The following SCP2 variants were observed in gnomAD, a reference collection of about 807,000 sequenced individuals.
SCP2 encodes SCP-2/3-oxoacyl-CoA thiolase.
In SCP2, 48 loss-of-function variants were observed where a neutral mutation model predicts 71.4. That is an observed-to-expected ratio of 0.67 (90% CI 0.53 to 0.86). The LOEUF (loss-of-function observed/expected upper bound fraction) is 0.86. SCP2 is among the 40% of genes least tolerant of loss of function. The pLI, the probability that SCP2 is intolerant of heterozygous loss-of-function variation, is 0.00. For synonymous variants in SCP2, 220 were observed against 218.1 expected (o/e 1.01, Z -0.08); for missense variants, 560 against 655.6 (o/e 0.85, Z 1.59).
intron 9 of SCP2, among the ~76,000 whole-genome samples, chr1:52,978,816 C>G (rs1424106862): frequency 6.6e-6 from 1 of 152,164 alleles, no homozygotes. Flanking sequence ...CCTGCCTCAG[C>G]CTTCCAAAAT....
chr1:52,968,175 C>T (rs919237351), intron 6 of SCP2, among the ~76,000 whole-genome samples: 3 of 152,152 alleles, frequency 2.0e-5, no homozygotes, highest in African/African-American at 4.8e-5. Flanking sequence ...CTCCTGACCT[C>T]AGGTGATCGG....
chr1:52,932,321 G>C (rs1250971487), intron 1 of SCP2, among the ~76,000 whole-genome samples: 1 of 152,166 alleles, frequency 6.6e-6, no homozygotes. Flanking sequence ...ACAAATGACA[G>C]AATAATGCTT....
intron 6 of SCP2, among the ~76,000 whole-genome samples, chr1:52,963,443 G>A (rs564822222): frequency 6.6e-6 from 1 of 152,094 alleles, no homozygotes; most frequent in East Asian, 1.9e-4. Flanking sequence ...GAATGAAGGA[G>A]TGAATTTCCA....
At chr1:52,986,189 T>C (rs1480497353) in intron 10 of SCP2, among the ~76,000 whole-genome samples, 3 of 152,234 alleles carry the variant, frequency 2.0e-5, no homozygotes, top group Non-Finnish European at 2.9e-5. Context: ...AGTACTTTAA[T>C]CTCTGAATAT....
intron 11 of SCP2, among the ~76,000 whole-genome samples, chr1:52,998,416 C>T (rs1432860913): frequency 6.6e-6 from 1 of 151,634 alleles, no homozygotes; most frequent in Non-Finnish European, 1.5e-5. Context: ...GGCAGCAAAG[C>T]AAGACTTTGT....
chr1:52,964,306 A>G (rs1173877834), intron 6 of SCP2, among the ~76,000 whole-genome samples: 1 of 146,518 alleles, frequency 6.8e-6, no homozygotes, highest in Non-Finnish European at 1.5e-5. Flanking sequence ...GGTTCACGCC[A>G]TTCTTCTGCC....
chr1:53,039,208 C>T (rs189216009), intron 14 of SCP2, among the ~76,000 whole-genome samples, 162 bp downstream of exon 14: 10 of 152,330 alleles, frequency 6.6e-5, no homozygotes, highest in African/African-American at 2.4e-4. Flanking sequence ...GCCACCTCCT[C>T]CCAAGGATTT....
At chr1:53,001,717 T>G (rs1364449866) in intron 11 of SCP2, among the ~76,000 whole-genome samples, 2 of 152,184 alleles carry the variant, frequency 1.3e-5, no homozygotes, top group African/African-American at 4.8e-5. Flanking sequence ...ACGCCCATCT[T>G]CAAGTGCTCT....
rs948404613 is a variant in SCP2, at chr1:52,948,841, A to G, written c.199+761A>G. Among the ~76,000 whole-genome samples the G allele has an allele frequency of 5.3e-5, 8 of 152,244 alleles. 1 individual carries two copies. In the Middle Eastern group the frequency reaches 0.01, roughly 194 times the overall value. On this transcript the variant is annotated intron_variant, in intron 3 of 15. Coordinates refer to ENST00000371514, the MANE Select transcript of SCP2 (RefSeq NM_002979.5). The stretch of plus-strand genomic sequence containing the variant: ...GCCACAATCCAGTTAATTAGCCATT[A>G]ATTACCACCCATGCTGTACGTTAGA...
intron 2 of SCP2, among the ~76,000 whole-genome samples, chr1:52,942,692 AG>A (rs1654371481): frequency 7.0e-6 from 1 of 142,050 alleles, no homozygotes; most frequent in Admixed American, 7.3e-5. Context: ...AAAATTTAAC[AG>A]GTTTTTTTTT....
chr1:52,949,692 G>A (rs1236614448), intron 3 of SCP2, among the ~76,000 whole-genome samples: 1 of 152,212 alleles, frequency 6.6e-6, no homozygotes, highest in Non-Finnish European at 1.5e-5. Context: ...GCTGAGAAAG[G>A]TAAAAACACC....
chr1:53,050,847 C>A lies in SCP2; in HGVS notation c.*143C>A. 1 of 662,904 alleles carries A rather than the reference C, an allele frequency of 1.5e-6. No individual in the cohort carries two copies. The highest frequency in any genetic ancestry group is 1.7e-5 in the South Asian group (1 of 60,140). The allele number at this position is 662,904 out of a possible 1,614,324, so 41.1% of individuals were successfully genotyped here. ...TGTTTCTTAATGGGTGTGACCAATC[C>A]TGTTTTTCCTATGCTCTGGGTGAAT... On this transcript the variant is annotated 3_prime_UTR_variant, in exon 16 of 16. Coordinates refer to ENST00000371514, the MANE Select transcript of SCP2 (RefSeq NM_002979.5).
intron 2 of SCP2, chr1:52,943,831 T>A: frequency 2.2e-6 from 1 of 452,224 alleles, no homozygotes; most frequent in Admixed American, 2.5e-5. Context: ...TCTTCACCCC[T>A]GCAGTAGAGG....
chr1:53,015,805 G>A (rs17107560), intron 12 of SCP2, among the ~76,000 whole-genome samples: 21,810 of 152,002 alleles, frequency 0.14, 2,278 homozygotes, highest in East Asian at 0.32. Flanking sequence ...TTTCCAAGCC[G>A]GAATACCTCA....
intron 1 of SCP2, among the ~76,000 whole-genome samples, chr1:52,941,162 T>C (rs1654201987): frequency 6.6e-6 from 1 of 152,214 alleles, no homozygotes; most frequent in Non-Finnish European, 1.5e-5. Flanking sequence ...TACTCCAAAA[T>C]TTCCTTCTCT....
At chr1:53,036,598 A>G (rs1662967988) in intron 13 of SCP2, among the ~76,000 whole-genome samples, 1 of 149,546 alleles carries the variant, frequency 6.7e-6, no homozygotes, top group African/African-American at 2.4e-5. Context: ...GTGGGATCAT[A>G]TTGTTTTGTA....
intron 5 of SCP2, among the ~76,000 whole-genome samples, chr1:52,959,625 AT>A (rs1323845783): frequency 2.6e-5 from 4 of 151,324 alleles, no homozygotes; most frequent in Non-Finnish European, 4.4e-5. Context: ...GAGGTTGTCT[AT>A]TTTTTTTGTA....
At chr1:53,022,562 G>A (rs6588449) in intron 12 of SCP2, among the ~76,000 whole-genome samples, 20,669 of 152,130 alleles carry the variant, frequency 0.14, 2,023 homozygotes, top group East Asian at 0.32. Flanking sequence ...ATTGAGTTGT[G>A]AGAGCTCTTT....
intron 1 of SCP2, among the ~76,000 whole-genome samples, chr1:52,930,225 C>A (rs1276680061): frequency 1.3e-5 from 2 of 151,876 alleles, no homozygotes; most frequent in African/African-American, 4.8e-5. Flanking sequence ...CAATCCAGTA[C>A]ACACATACAA....
Sources: gnomAD v4.1 joint callset for allele counts (sites outside exome capture counted in the v4.1 genomes callset) on GRCh38, gnomAD v4.1.1 for gene constraint, MANE v1.5 for transcripts, NCBI Gene and HGNC (gene_info 2026-07-23, HGNC 2026-07-21) for gene names.